Variants in CALCOCO2 observed in about 807,000 individuals in gnomAD.
The protein encoded by CALCOCO2 is calcium binding and coiled-coil domain 2.
CALCOCO2 carries 42 observed loss-of-function variants against 62.5 expected under a neutral mutation model. That is an observed-to-expected ratio of 0.67 (90% CI 0.53 to 0.87). The LOEUF is 0.87. Ranked by LOEUF, CALCOCO2 falls within the 40% of genes least tolerant of loss-of-function variation. The pLI is 0.00. For missense variants in CALCOCO2, 456 were observed against 515.0 expected (o/e 0.89, Z 1.11); for synonymous variants, 167 against 173.0 (o/e 0.97, Z 0.27).
rs2040083084 is a variant in CALCOCO2 at position 48,848,467 on chromosome 17, T to C, written c.417+12T>C. On this transcript the variant is annotated intron_variant, in intron 4 of 12. Coordinates refer to ENST00000258947, the MANE Select transcript of CALCOCO2 (RefSeq NM_005831.5). ...TTGTTACCACTCAGGTTTGTAAAAC[T>C]TCTCACCTCAATCCCTTACTGCCAT... The C allele has an allele frequency of 6.2e-7, 1 of 1,612,464 alleles. No individual in the cohort carries two copies. Among genetic ancestry groups the C allele is most frequent in the Non-Finnish European group, 8.5e-7 (1 of 1,178,694 alleles).
intron 6 of CALCOCO2, 96 bp downstream of exon 6, chr17:48,851,273 C>T: frequency 1.3e-6 from 1 of 770,276 alleles, no homozygotes; most frequent in South Asian, 1.5e-5. Flanking sequence ...TGTGAGAAAA[C>T]ACTGTTATGA....
In CALCOCO2 at chr17:48,862,990, C is replaced by A. The variant is rs755812063; in HGVS notation, c.1326C>A (p.Phe442Leu). The A allele has an allele frequency of 1.4e-5, 22 of 1,612,252 alleles. No individual in the cohort carries two copies. Among genetic ancestry groups the A allele is most frequent in the Non-Finnish European group, 1.7e-5 (20 of 1,178,384 alleles). The part of the protein sequence containing the change: ...TEKQIFEDHV[F>L]CHSL ...AGCAGATCTTTGAAGACCACGTGTT[C>A]TGCCACTCTCTCTGAGTATCCCAAC... Residue 442 changes from phenylalanine (F) to leucine (L), a missense_variant, in exon 13 of 13, where the codon TTC becomes TTA. Phe to Leu is a conservative substitution (Grantham distance 22, BLOSUM62 0). Coordinates refer to ENST00000258947, the MANE Select transcript of CALCOCO2 (RefSeq NM_005831.5).
intron 1 of CALCOCO2, among the ~76,000 whole-genome samples, chr17:48,839,730 G>A (rs2143584644): frequency 7.5e-6 from 1 of 133,300 alleles, no homozygotes; most frequent in East Asian, 2.2e-4. Context: ...AGGCTAGAGT[G>A]CAGTGGCATG....
At chr17:48,832,343 G>A (rs574559122) in intron 1 of CALCOCO2, among the ~76,000 whole-genome samples, 2 of 152,234 alleles carry the variant, frequency 1.3e-5, no homozygotes, top group Non-Finnish European at 2.9e-5. Context: ...GCGGTGAGCC[G>A]AGATGGCGCC....
At chr17:48,862,065 T>A (rs200009931) in intron 11 of CALCOCO2, among the ~76,000 whole-genome samples, 10 of 140,286 alleles carry the variant, frequency 7.1e-5, no homozygotes, top group Admixed American at 4.5e-4. Flanking sequence ...AAAAAAAAAA[T>A]ACGATTTCAT....
chr17:48,844,647 A>G (rs2040021648), intron 2 of CALCOCO2, among the ~76,000 whole-genome samples: 2 of 152,006 alleles, frequency 1.3e-5, no homozygotes, highest in Admixed American at 1.3e-4. Flanking sequence ...CCTCCCGAGT[A>G]GCTGGGATGA....
chr17:48,835,382 C>T (rs1461770911), intron 1 of CALCOCO2, among the ~76,000 whole-genome samples: 1 of 152,142 alleles, frequency 6.6e-6, no homozygotes, highest in Non-Finnish European at 1.5e-5. Flanking sequence ...CTCCTCAAAC[C>T]CTTCCCCAGC....
chr17:48,842,160 T>TC (rs2039983766), intron 2 of CALCOCO2: 1 of 49,158 alleles, frequency 2.0e-5, no homozygotes, highest in South Asian at 7.1e-4. Context: ...TTTTCTTTTT[T>TC]TTTTTTTTTT....
chr17:48,834,865 T>G (rs1234308285), intron 1 of CALCOCO2, among the ~76,000 whole-genome samples: 1 of 152,026 alleles, frequency 6.6e-6, no homozygotes, highest in Non-Finnish European at 1.5e-5. Flanking sequence ...CTGGGCAACA[T>G]AGGGAGACCC....
chr17:48,856,725 A>G (rs984195278), intron 10 of CALCOCO2: 1 of 421,288 alleles, frequency 2.4e-6, no homozygotes, highest in Non-Finnish European at 4.8e-6. Flanking sequence ...TGATATGGCA[A>G]AAAATAAAGT....
intron 2 of CALCOCO2, among the ~76,000 whole-genome samples, chr17:48,845,269 A>ATTGAC (rs1033301687): frequency 1.3e-5 from 2 of 151,854 alleles, no homozygotes; most frequent in African/African-American, 4.8e-5. Context: ...CCATAAAGCT[A>ATTGAC]TTGACTTGAA....
At position 48,863,025 on chromosome 17, in the gene CALCOCO2, G is replaced by A. The variant is rs747585518; in HGVS notation, c.*20G>A. On this transcript the variant is annotated 3_prime_UTR_variant, in exon 13 of 13. Transcript: ENST00000258947. ...CTCTGAGTATCCCAACCTCTTGGAT[G>A]TATACAGAGATTTTATAGAATAGAA... The A allele has an allele frequency of 6.4e-7, 1 of 1,560,450 alleles. No individual in the cohort carries two copies. The highest frequency in any genetic ancestry group is 1.1e-5 in the South Asian group (1 of 89,862).
chr17:48,858,031 ATAGAATAGAATAGAAAATAG>A (rs1567759327), intron 10 of CALCOCO2, among the ~76,000 whole-genome samples: 1 of 16,034 alleles, frequency 6.2e-5, no homozygotes, highest in African/African-American at 1.3e-4. Flanking sequence ...ATAGAATAGA[ATAGAATAGAATAGAAAATAG>A]AATAGAATAG....
At chr17:48,838,424 C>T (rs2039927113) in intron 1 of CALCOCO2, among the ~76,000 whole-genome samples, 1 of 151,700 alleles carries the variant, frequency 6.6e-6, no homozygotes, top group African/African-American at 2.4e-5. Flanking sequence ...GGGCATAAGA[C>T]AACATGAGGG....
intron 2 of CALCOCO2, 125 bp from the exon 3 acceptor site, chr17:48,847,939 G>A: frequency 1.6e-6 from 1 of 623,182 alleles, no homozygotes; most frequent in African/African-American, 1.8e-5. Context: ...ACAGGCATGA[G>A]CCACTGCACC....
intron 2 of CALCOCO2, among the ~76,000 whole-genome samples, chr17:48,845,660 C>T (rs1164845759): frequency 2.7e-5 from 4 of 146,008 alleles, no homozygotes; most frequent in Non-Finnish European, 4.5e-5. Context: ...ACCCAGGAGG[C>T]GGAGGTTGCA....
intron 10 of CALCOCO2, chr17:48,856,441 C>T (rs1309331645): frequency 2.1e-6 from 1 of 475,654 alleles, no homozygotes; most frequent in Non-Finnish European, 4.0e-6. Context: ...GAAGACCTAA[C>T]TTATTTTTGC....
At chr17:48,846,225 C>G in intron 2 of CALCOCO2, 1 of 559,286 alleles carries the variant, frequency 1.8e-6, no homozygotes, top group Non-Finnish European at 3.1e-6. Context: ...CAACCTCTGC[C>G]TCCTGGGTTC....
chr17:48,858,041 ATAGAAAATAG>A (rs2040259232), intron 10 of CALCOCO2, among the ~76,000 whole-genome samples: 2 of 12,644 alleles, frequency 1.6e-4, no homozygotes, highest in African/African-American at 3.0e-4. Flanking sequence ...ATAGAATAGA[ATAGAAAATAG>A]AATAGAATAG....
Sources: allele counts gnomAD v4.1 joint callset (sites outside exome capture counted in the v4.1 genomes callset), GRCh38; gene constraint gnomAD v4.1.1; transcripts MANE v1.5; gene names NCBI Gene and HGNC (gene_info 2026-07-23, HGNC 2026-07-21).